Variants in SCMH1 observed in about 807,000 individuals in gnomAD.
SCMH1 encodes the protein polycomb protein SCMH1.
SCMH1 carries 37 observed loss-of-function variants against 70.8 expected under a neutral mutation model. That is an observed-to-expected ratio of 0.52 (90% CI 0.40 to 0.69). The LOEUF is 0.69. Among genes scored for constraint, SCMH1 ranks in the 30% least tolerant of loss-of-function variants. SCMH1 has a pLI of 0.00. For synonymous variants in SCMH1, 292 were observed against 307.4 expected, an observed-to-expected ratio of 0.95 and a Z score of 0.52; for missense variants, 607 against 827.3, an observed-to-expected ratio of 0.73 and a Z score of 3.27.
chr1:41,029,197 A>G (rs889984807), intron 13 of SCMH1, among the ~76,000 whole-genome samples: 7 of 152,020 alleles, frequency 4.6e-5, no homozygotes, highest in Non-Finnish European at 8.8e-5. Flanking sequence ...AGCCTGATAC[A>G]CTAAGGCAGA....
intron 1 of SCMH1, among the ~76,000 whole-genome samples, chr1:41,235,569 TAAAAAAAAAAAA>T (rs61093555): frequency 7.0e-5 from 3 of 43,120 alleles, no homozygotes; most frequent in African/African-American, 1.6e-4. Context: ...AGACTCCGTC[TAAAAAAAAAAAA>T]AAAAAAAAAA....
At chr1:41,224,647 TA>T (rs1300569275) in intron 1 of SCMH1, among the ~76,000 whole-genome samples, 1 of 152,198 alleles carries the variant, frequency 6.6e-6, no homozygotes, top group East Asian at 1.9e-4. Flanking sequence ...ATACAGGCAT[TA>T]ATATTCTCAT....
chr1:41,162,425 T>C (rs1646112346), intron 2 of SCMH1, among the ~76,000 whole-genome samples: 1 of 152,130 alleles, frequency 6.6e-6, no homozygotes, highest in African/African-American at 2.4e-5. Flanking sequence ...TCCTGCAGAC[T>C]GGAGTGGGGA....
chr1:41,077,980 A>T (rs550461818), intron 8 of SCMH1, among the ~76,000 whole-genome samples: 21 of 152,328 alleles, frequency 1.4e-4, no homozygotes, highest in Middle Eastern at 3.4e-3. Flanking sequence ...CAGATTTTTT[A>T]AAAATCATAA....
rs753310087 is a variant in SCMH1, at chr1:41,028,700, C to T, written c.1705G>A (p.Asp569Asn). Reference sequence around the variant, plus strand: ...TCCCGGCCACTCAGTCGAGAGGCATCGCGGCTCTCCAGGTATCGGTCCGAC... The same window carrying T: ...TCCCGGCCACTCAGTCGAGAGGCATTGCGGCTCTCCAGGTATCGGTCCGAC... The change falls in exon 14 of 15, where the codon GAT (aspartate) becomes AAT (asparagine). Residue 569 changes from aspartate (D) to asparagine (N), a missense_variant. Asp to Asn is a conservative substitution (Grantham distance 23, BLOSUM62 1). Transcript: ENST00000337495. 1.7e-5 allele frequency: 27 copies of T among 1,613,936 alleles called. No individual in the cohort carries two copies. Among genetic ancestry groups the T allele is most frequent in the Admixed American group, 1.0e-4 (6 of 59,992 alleles).
intron 6 of SCMH1, among the ~76,000 whole-genome samples, chr1:41,126,108 C>T (rs1673121768): frequency 6.6e-6 from 1 of 152,102 alleles, no homozygotes. Context: ...TCATCTTTTT[C>T]CATATTAGAA....
At chr1:41,179,664 G>T (rs55762611) in intron 2 of SCMH1, among the ~76,000 whole-genome samples, 1,962 of 152,238 alleles carry the variant, frequency 0.013, 41 homozygotes, top group African/African-American at 0.045. Flanking sequence ...ACTAAACCAG[G>T]AAGAAGTTGA....
intron 1 of SCMH1, among the ~76,000 whole-genome samples, chr1:41,207,487 C>T (rs1655836341): frequency 6.6e-6 from 1 of 152,162 alleles, no homozygotes; most frequent in South Asian, 2.1e-4. Context: ...ACAAGAAGAG[C>T]TAACTATCCT....
chr1:41,040,425 G>C (rs573029729), intron 12 of SCMH1, among the ~76,000 whole-genome samples: 1 of 152,272 alleles, frequency 6.6e-6, no homozygotes, highest in Admixed American at 6.5e-5. Flanking sequence ...CAACGGGAAG[G>C]CATCGTCCGG....
At chr1:41,122,305 C>T (rs1672143930) in intron 6 of SCMH1, among the ~76,000 whole-genome samples, 1 of 152,146 alleles carries the variant, frequency 6.6e-6, no homozygotes, top group East Asian at 1.9e-4. Context: ...TTCCCTCTGC[C>T]TCAAACACCT....
intron 1 of SCMH1, among the ~76,000 whole-genome samples, chr1:41,194,316 T>A (rs1183519062): frequency 6.6e-6 from 1 of 152,188 alleles, no homozygotes; most frequent in African/African-American, 2.4e-5. Context: ...TAAATACAGG[T>A]TCTGACCTTT....
At chr1:41,150,992 T>C (rs1006458373) in intron 5 of SCMH1, among the ~76,000 whole-genome samples, 1 of 150,972 alleles carries the variant, frequency 6.6e-6, no homozygotes, top group African/African-American at 2.4e-5. Context: ...ACCTGAAATG[T>C]TGACAGTTTG....
intron 10 of SCMH1, among the ~76,000 whole-genome samples, chr1:41,057,650 C>T (rs1022303058): frequency 6.6e-6 from 1 of 152,124 alleles, no homozygotes; most frequent in African/African-American, 2.4e-5. Context: ...GCGGCACACT[C>T]AGATATGGCA....
At position 41,186,353 on chromosome 1, in the gene SCMH1, G is replaced by A; in HGVS notation, c.-117-103C>T. On this transcript the variant is annotated intron_variant, in intron 1 of 14. Transcript: ENST00000337495. ...ATTAGGCTACATTATAAGAAAAGTA[G>A]GAAATTTAGATACAGATTTTTTGCT... 3 of 372,740 alleles carry A rather than the reference G, an allele frequency of 8.0e-6. No homozygotes were observed. In the South Asian group the frequency reaches 1.5e-4, roughly 19 times the overall value. 23.1% of individuals were successfully genotyped at this position (372,740 alleles called of 1,614,324 possible).
chr1:41,192,704 A>C (rs532151106), intron 1 of SCMH1, among the ~76,000 whole-genome samples: 1 of 152,298 alleles, frequency 6.6e-6, no homozygotes, highest in African/African-American at 2.4e-5. Flanking sequence ...TCTCAATCCA[A>C]ACATTCTTGA....
intron 1 of SCMH1, among the ~76,000 whole-genome samples, chr1:41,226,906 A>T (rs1225870797): frequency 6.6e-6 from 1 of 152,202 alleles, no homozygotes; most frequent in Non-Finnish European, 1.5e-5. Context: ...ATAGACAAGG[A>T]AGGGGAGAGA....
intron 12 of SCMH1, among the ~76,000 whole-genome samples, chr1:41,042,448 C>G (rs1449271576): frequency 6.6e-6 from 1 of 152,084 alleles, no homozygotes; most frequent in African/African-American, 2.4e-5. Context: ...AGGGTTTCAC[C>G]ATGTTAGCCA....
At chr1:41,112,045 C>T (rs1322971418) in intron 8 of SCMH1, among the ~76,000 whole-genome samples, 4 of 152,084 alleles carry the variant, frequency 2.6e-5, no homozygotes, top group Admixed American at 1.3e-4. Context: ...AAACCCTTTA[C>T]AATTATACCT....
chr1:41,239,479 G>T (rs559144432), intron 1 of SCMH1, among the ~76,000 whole-genome samples: 32 of 152,268 alleles, frequency 2.1e-4, no homozygotes, highest in African/African-American at 7.7e-4. Context: ...TCTCAGCTAT[G>T]CGTAGTTCTC....
Sources: gnomAD v4.1 joint callset for allele counts (sites outside exome capture counted in the v4.1 genomes callset) on GRCh38, gnomAD v4.1.1 for gene constraint, MANE v1.5 for transcripts, NCBI Gene and HGNC (gene_info 2026-07-23, HGNC 2026-07-21) for gene names.